CELF2: variants seen among roughly 807,000 people sequenced by gnomAD.
The protein encoded by CELF2 is CUG triplet repeat RNA-binding protein 2.
CELF2 carries 8 observed loss-of-function variants against 62.6 expected under a neutral mutation model. That is an observed-to-expected ratio of 0.13 (90% CI 0.07 to 0.23). The LOEUF is 0.23. Ranked by LOEUF, CELF2 falls within the 10% of genes least tolerant of loss-of-function variation. The pLI is 1.00. For synonymous variants in CELF2, 258 were observed against 250.0 expected (o/e 1.03, Z -0.30); for missense variants, 333 against 671.0 (o/e 0.50, Z 5.56).
intron 2 of CELF2, among the ~76,000 whole-genome samples, chr10:10,973,628 T>C (rs546123256): frequency 7.9e-5 from 12 of 152,224 alleles, no homozygotes; most frequent in Admixed American, 2.6e-4. Flanking sequence ...CTGCAGTAGC[T>C]CAGTCATAGC....
the CELF2 span, among the ~76,000 whole-genome samples, chr10:10,634,677 T>TC: frequency 6.6e-6 from 1 of 151,218 alleles, no homozygotes; most frequent in African/African-American, 2.4e-5. Context: ...TTTTTTTTTT[T>TC]TTTAAATGGA....
At chr10:11,144,041 C>T (rs1352775920) in intron 1 of CELF2, among the ~76,000 whole-genome samples, 1 of 152,056 alleles carries the variant, frequency 6.6e-6, no homozygotes, top group Non-Finnish European at 1.5e-5. Context: ...GCTAGTGGTA[C>T]ATTTTCTTTT....
chr10:10,962,095 G>C (rs1473757981), intron 2 of CELF2, among the ~76,000 whole-genome samples: 2 of 151,972 alleles, frequency 1.3e-5, no homozygotes, highest in Admixed American at 1.3e-4. Flanking sequence ...GGGAGGGAGG[G>C]AGGAGGGAGA....
chr10:11,321,717 T>C lies in CELF2; in HGVS notation c.1294+331T>C, dbSNP rs1289033114. On this transcript the variant is annotated intron_variant, in intron 11 of 12. Transcript: ENST00000633077. This position sits in a 1 kb window ranked among gnomAD's most constrained non-coding sequence, Gnocchi z 6.2. ...TCTCTCAAACAAAAGCAAAAACCTA[T>C]TTATTTCAGTCTTTCTCACTTGGTC... Among the ~76,000 whole-genome samples the C allele has an allele frequency of 1.3e-5, 2 of 152,170 alleles. No homozygotes were observed. The highest frequency in any genetic ancestry group is 2.9e-5 in the Non-Finnish European group (2 of 68,030).
At position 10,993,952 on chromosome 10, in the gene CELF2, G is replaced by A. The variant is rs534497963; in HGVS notation, c.89+73953G>A. Among the ~76,000 whole-genome samples the A allele has an allele frequency of 2.4e-3, 370 of 152,316 alleles. 1 individual carries two copies. The highest frequency in any genetic ancestry group is 4.1e-3 in the Non-Finnish European group (280 of 68,020). On this transcript the variant is annotated intron_variant, in intron 2 of 13. Transcript: ENST00000636488. The surrounding 1 kb of genome is among the most constrained non-coding windows in gnomAD (Gnocchi z 5.3). Reference sequence around the variant, plus strand: ...GCAGGCATAGGGAGAAGGCTCCAAGGAGAGGAGCCTCATGAGAAACCAAAC... The same window carrying A: ...GCAGGCATAGGGAGAAGGCTCCAAGAAGAGGAGCCTCATGAGAAACCAAAC...
chr10:10,923,424 T>G (rs970322612), intron 2 of CELF2, among the ~76,000 whole-genome samples: 1 of 152,220 alleles, frequency 6.6e-6, no homozygotes, highest in Admixed American at 6.5e-5. Flanking sequence ...TACGTGGTAC[T>G]AATTTAAAGC....
intron 1 of CELF2, among the ~76,000 whole-genome samples, chr10:10,910,117 T>A (rs2063682935): frequency 6.6e-6 from 1 of 152,200 alleles, no homozygotes; most frequent in African/African-American, 2.4e-5. Flanking sequence ...TGATATTATG[T>A]CCCTGGGAAC....
In CELF2 at chr10:11,246,275, G is replaced by A. The variant is rs764470986; in HGVS notation, c.355-2878G>A. 5.3e-5 allele frequency among the ~76,000 whole-genome samples: 8 copies of A among 152,020 alleles called. No homozygotes were observed. The highest frequency in any genetic ancestry group is 1.4e-4 in the African/African-American group (6 of 41,382). Reference sequence around the variant, plus strand: ...TGTGTCCCAGGCATAATGTAGGTGCGCTCACCTCATCTCTCCCATATCTTG... The same window carrying A: ...TGTGTCCCAGGCATAATGTAGGTGCACTCACCTCATCTCTCCCATATCTTG... On this transcript the variant is annotated intron_variant, in intron 3 of 12. Transcript: ENST00000633077. The surrounding 1 kb of genome is among the most constrained non-coding windows in gnomAD (Gnocchi z 4.6).
At chr10:10,921,889 T>C (rs2064958314) in intron 2 of CELF2, among the ~76,000 whole-genome samples, 1 of 152,188 alleles carries the variant, frequency 6.6e-6, no homozygotes, top group Admixed American at 6.5e-5. Flanking sequence ...TCGATAATCA[T>C]GCGTGAATGT....
intron 2 of CELF2, among the ~76,000 whole-genome samples, chr10:10,945,336 G>A (rs116286573): frequency 6.0e-4 from 92 of 152,252 alleles, no homozygotes; most frequent in African/African-American, 2.2e-3. Flanking sequence ...AGGAAAGCAG[G>A]TAACTTGCCC....
intron 2 of CELF2, among the ~76,000 whole-genome samples, chr10:10,939,072 C>T (rs1024668542): frequency 2.0e-5 from 3 of 152,132 alleles, no homozygotes; most frequent in African/African-American, 7.2e-5. Flanking sequence ...TGACAGTCTC[C>T]ACCTTATCAG....
intron 1 of CELF2, among the ~76,000 whole-genome samples, chr10:10,907,812 T>C (rs527936062): frequency 1.1e-4 from 17 of 152,306 alleles, no homozygotes; most frequent in Admixed American, 3.3e-4. Flanking sequence ...TGACCCACCA[T>C]GATTGAATAC....
chr10:10,554,808 A>G, the CELF2 span, among the ~76,000 whole-genome samples: 1 of 152,166 alleles, frequency 6.6e-6, no homozygotes, highest in African/African-American at 2.4e-5. Context: ...AACTCCAGAA[A>G]TGCACCCCTT....
At chr10:10,907,187 G>C (rs1366020743) in intron 1 of CELF2, among the ~76,000 whole-genome samples, 1 of 152,070 alleles carries the variant, frequency 6.6e-6, no homozygotes, top group Non-Finnish European at 1.5e-5. Context: ...ACAGGCCCTA[G>C]AGATTTAAAT....
intron 1 of CELF2, among the ~76,000 whole-genome samples, chr10:11,090,825 A>C (rs540404456): frequency 6.6e-6 from 1 of 152,342 alleles, no homozygotes; most frequent in South Asian, 2.1e-4. Flanking sequence ...TACTGTCATC[A>C]ATGTTTAGGT....
At chr10:10,865,003 T>C (rs2060269314) in intron 1 of CELF2, among the ~76,000 whole-genome samples, 1 of 152,226 alleles carries the variant, frequency 6.6e-6, no homozygotes, top group Non-Finnish European at 1.5e-5. Context: ...GTTGTTTGGA[T>C]GCAGCAAACT....
At chr10:10,740,153 C>CT in the CELF2 span, among the ~76,000 whole-genome samples, 71,876 of 94,600 alleles carry the variant, frequency 0.76, 28,198 homozygotes, top group East Asian at 0.91. Flanking sequence ...GTTGCCTGTG[C>CT]TTTTTTTTTT....
chr10:11,289,646 G>T (rs1479889525), intron 9 of CELF2, among the ~76,000 whole-genome samples: 1 of 152,206 alleles, frequency 6.6e-6, no homozygotes, highest in Non-Finnish European at 1.5e-5. Context: ...CGCATGGCAG[G>T]TGTATTGACT....
intron 5 of CELF2, among the ~76,000 whole-genome samples, chr10:11,266,169 C>T (rs2082142419): frequency 6.6e-6 from 1 of 151,796 alleles, no homozygotes; most frequent in Admixed American, 6.6e-5. Context: ...TCTTATTTGC[C>T]CCTTTAAAAA....
Sources: gnomAD v4.1 joint callset for allele counts (sites outside exome capture counted in the v4.1 genomes callset) on GRCh38, gnomAD v4.1.1 for gene constraint, Gnocchi (gnomAD v3.1) non-coding constraint, MANE v1.5 for transcripts, NCBI Gene and HGNC (gene_info 2026-07-23, HGNC 2026-07-21) for gene names.